The following HSPA12A variants were observed in gnomAD, a reference collection of about 807,000 sequenced individuals.
The protein encoded by HSPA12A is heat shock 70 kDa protein 12A.
In HSPA12A, 28 loss-of-function variants were observed where a neutral mutation model predicts 69.2. That is an observed-to-expected ratio of 0.40 (90% CI 0.30 to 0.55). The LOEUF (loss-of-function observed/expected upper bound fraction) is 0.55, where lower values mean the gene tolerates loss of function less well. Ranked by LOEUF, HSPA12A falls within the 20% of genes least tolerant of loss-of-function variation. The pLI is 0.38. For missense variants in HSPA12A, 686 were observed against 900.7 expected (o/e 0.76, Z 3.05); for synonymous variants, 345 against 370.5 (o/e 0.93, Z 0.79).
chr10:116,703,151 GAACACCAAGGGCGATGCTGTC>G (rs1250922289), intron 3 of HSPA12A, among the ~76,000 whole-genome samples: 1 of 152,144 alleles, frequency 6.6e-6, no homozygotes, highest in African/African-American at 2.4e-5. Context: ...GGTGGCAACT[GAACACCAAGGGCGATGCTGTC>G]AACAGAGTTG....
At chr10:116,785,667 T>G (rs1437039097) in intron 2 of HSPA12A, among the ~76,000 whole-genome samples, 3 of 152,032 alleles carry the variant, frequency 2.0e-5, no homozygotes, top group African/African-American at 7.2e-5. Context: ...GATCCCTCTC[T>G]CTTCCTCTCG....
chr10:116,693,258 C>T (rs929668462), intron 5 of HSPA12A, among the ~76,000 whole-genome samples: 1 of 152,144 alleles, frequency 6.6e-6, no homozygotes, highest in Non-Finnish European at 1.5e-5. Flanking sequence ...AAGAACCATG[C>T]GGCCCTTAAC....
Position 116,673,322 on chromosome 10 carries a change from G to C in HSPA12A, c.*1459C>G, listed in dbSNP as rs190484091. The C allele has an allele frequency of 1.3e-5, 2 of 152,118 alleles. No homozygotes were observed. Among genetic ancestry groups the C allele is most frequent in the East Asian group, 3.9e-4 (2 of 5,164 alleles). 9.4% of individuals were successfully genotyped at this position (152,118 alleles called of 1,614,324 possible). A position where few individuals can be genotyped will look rare whatever the true frequency, so the allele number is the denominator to read the frequency against. On this transcript the variant is annotated 3_prime_UTR_variant, in exon 12 of 12. Coordinates refer to ENST00000369209, the MANE Select transcript of HSPA12A (RefSeq NM_025015.3). ...TTCCTCCCCTGGCCCTTCCTGTGAGGGTTAAAAGGGCCATCTCCAAGCCAG... is the reference window on the plus strand; with the variant it reads ...TTCCTCCCCTGGCCCTTCCTGTGAGCGTTAAAAGGGCCATCTCCAAGCCAG...
At chr10:116,751,976 G>C (rs536583931) in intron 2 of HSPA12A, among the ~76,000 whole-genome samples, 9 of 152,334 alleles carry the variant, frequency 5.9e-5, no homozygotes, top group Non-Finnish European at 1.3e-4. Flanking sequence ...TCAGCCTGCA[G>C]CACCGTGAGC....
chr10:116,786,559 G>A (rs143279714), intron 2 of HSPA12A, among the ~76,000 whole-genome samples: 71 of 152,242 alleles, frequency 4.7e-4, no homozygotes, highest in African/African-American at 1.6e-3. Context: ...TTCAAGAAAT[G>A]TACATTTAAA....
chr10:116,846,359 T>G (rs1306004357), intron 1 of HSPA12A, among the ~76,000 whole-genome samples: 9 of 151,798 alleles, frequency 5.9e-5, no homozygotes, highest in Non-Finnish European at 1.3e-4. Context: ...TTTGTTTTTT[T>G]GTTTTTTTGA....
At chr10:116,738,951 A>G (rs782023790) in intron 1 of HSPA12A, among the ~76,000 whole-genome samples, 2 of 152,216 alleles carry the variant, frequency 1.3e-5, no homozygotes, top group African/African-American at 4.8e-5. Flanking sequence ...ACGGAAGTGG[A>G]TCCCATAGCC....
chr10:116,797,237 T>A (rs1213664034), intron 2 of HSPA12A, among the ~76,000 whole-genome samples: 2 of 124,494 alleles, frequency 1.6e-5, no homozygotes, highest in Non-Finnish European at 3.6e-5. Context: ...GTAGATCCTA[T>A]GTACTTCATT....
At position 116,673,339 on chromosome 10, in the gene HSPA12A, C is replaced by A. The variant is rs1849138632; in HGVS notation, c.*1442G>T. Reference sequence around the variant, plus strand: ...CCTGTGAGGGTTAAAAGGGCCATCTCCAAGCCAGGTGGAGCCCCAATCCCA... The same window carrying A: ...CCTGTGAGGGTTAAAAGGGCCATCTACAAGCCAGGTGGAGCCCCAATCCCA... On this transcript the variant is annotated 3_prime_UTR_variant, in exon 12 of 12. Transcript: ENST00000369209. 6.6e-6 allele frequency: 1 copy of A among 152,100 alleles called. No homozygotes were observed. Among genetic ancestry groups the A allele is most frequent in the Non-Finnish European group, 1.5e-5 (1 of 68,026 alleles). 9.4% of individuals were successfully genotyped at this position (152,100 alleles called of 1,614,324 possible). A position where few individuals can be genotyped will look rare whatever the true frequency, so the allele number is the denominator to read the frequency against.
At chr10:116,718,307 C>T (rs141337746) in intron 1 of HSPA12A, among the ~76,000 whole-genome samples, 1,806 of 152,294 alleles carry the variant, frequency 0.012, 21 homozygotes, top group Non-Finnish European at 0.02. Context: ...CACCACCTGT[C>T]CCTGGGGAGG....
chr10:116,754,691 C>T (rs1442358858), intron 2 of HSPA12A, among the ~76,000 whole-genome samples: 2 of 152,116 alleles, frequency 1.3e-5, no homozygotes, highest in Admixed American at 6.5e-5. Flanking sequence ...AAAATATGAA[C>T]AGAATGACCG....
chr10:116,754,692 A>C (rs979495834), intron 2 of HSPA12A, among the ~76,000 whole-genome samples: 4 of 152,240 alleles, frequency 2.6e-5, no homozygotes, highest in Non-Finnish European at 5.9e-5. Flanking sequence ...AAATATGAAC[A>C]GAATGACCGA....
At chr10:116,724,850 C>T (rs897080018) in intron 1 of HSPA12A, among the ~76,000 whole-genome samples, 5 of 152,152 alleles carry the variant, frequency 3.3e-5, no homozygotes, top group Non-Finnish European at 7.4e-5. Flanking sequence ...TTTGCCTGCT[C>T]CTCAGTCTCC....
intron 5 of HSPA12A, among the ~76,000 whole-genome samples, chr10:116,696,002 C>CAAAAGAAAA (rs1849887531): frequency 9.2e-5 from 3 of 32,714 alleles, no homozygotes; most frequent in Non-Finnish European, 1.5e-4. Flanking sequence ...GACTCCATCT[C>CAAAAGAAAA]AAAAAAAAAA....
chr10:116,717,377 G>C (rs1341519960), intron 1 of HSPA12A, among the ~76,000 whole-genome samples: 3 of 152,216 alleles, frequency 2.0e-5, no homozygotes, highest in African/African-American at 7.2e-5. Flanking sequence ...TCACAGGGCA[G>C]CTCCTGGCTG....
Position 116,828,691 on chromosome 10 carries a change from G to A in HSPA12A, c.91+6244C>T, listed in dbSNP as rs137894335. On this transcript the variant is annotated intron_variant, in intron 2 of 12. Coordinates refer to the HSPA12A transcript ENST00000635765. Reference sequence around the variant, plus strand: ...TGGTGACAGCGGAGCATTAAACCACGTGCAGGGCCTTGTGTGACTGCACAG... The same window carrying A: ...TGGTGACAGCGGAGCATTAAACCACATGCAGGGCCTTGTGTGACTGCACAG... The A allele has an allele frequency of 1.3e-4, 20 of 152,330 alleles. No homozygotes were observed. The East Asian group carries it at 2.3e-3, about 18-fold the overall frequency. The allele number at this position is 152,330 out of a possible 1,614,324, so 9.4% of individuals were successfully genotyped here. A position where few individuals can be genotyped will look rare whatever the true frequency, so the allele number is the denominator to read the frequency against.
intron 2 of HSPA12A, among the ~76,000 whole-genome samples, chr10:116,825,790 T>G (rs986596793): frequency 6.6e-6 from 1 of 152,188 alleles, no homozygotes; most frequent in Non-Finnish European, 1.5e-5. Flanking sequence ...ATGGTGATGG[T>G]TGCACAATTC....
rs71013618 is a variant in HSPA12A, at chr10:116,813,247, ATTT to A, written c.91+21685_91+21687del. Among the ~76,000 whole-genome samples, 447 of 100,030 alleles carry A rather than the reference ATTT, an allele frequency of 4.5e-3. 7 individuals carry two copies. The highest frequency in any genetic ancestry group is 0.015 in the African/African-American group (413 of 26,776). The allele number at this position is 100,030 out of a possible 152,430, so 65.6% of individuals were successfully genotyped here. A position where few individuals can be genotyped will look rare whatever the true frequency, so the allele number is the denominator to read the frequency against. On this transcript the variant is annotated intron_variant, in intron 2 of 12. Transcript: ENST00000635765. Reference sequence around the variant, plus strand: ...AAAGAAAGAGGCCATCCAGAGCTCTATTTTTTTTTTTTTTTTGAGATGGAGTCT... The same window carrying A: ...AAAGAAAGAGGCCATCCAGAGCTCTATTTTTTTTTTTTTGAGATGGAGTCT...
At chr10:116,712,234 G>A (rs1400496678) in intron 1 of HSPA12A, among the ~76,000 whole-genome samples, 2 of 152,146 alleles carry the variant, frequency 1.3e-5, no homozygotes, top group Non-Finnish European at 2.9e-5. Context: ...TAAAAATAAG[G>A]TGATGAGGGT....
Sources: gnomAD v4.1 joint callset for allele counts (sites outside exome capture counted in the v4.1 genomes callset) on GRCh38, gnomAD v4.1.1 for gene constraint, MANE v1.5 for transcripts, NCBI Gene and HGNC (gene_info 2026-07-23, HGNC 2026-07-21) for gene names.